RALYL: variants seen among roughly 807,000 people sequenced by gnomAD.
The protein encoded by RALYL is RNA-binding Raly-like protein.
RALYL carries 29 observed loss-of-function variants against 35.1 expected under a neutral mutation model. The observed-to-expected ratio is 0.83, with a 90% confidence interval of 0.61 to 1.13. The LOEUF is 1.13. RALYL is among the 50% of genes most tolerant of loss of function. The pLI is 0.00. For synonymous variants in RALYL, 120 were observed against 127.6 expected (o/e 0.94, Z 0.40); for missense variants, 359 against 360.4 (o/e 1.00, Z 0.03).
At chr8:84,715,683 T>G (rs1467550208) in intron 2 of RALYL, among the ~76,000 whole-genome samples, 2 of 152,066 alleles carry the variant, frequency 1.3e-5, no homozygotes, top group Non-Finnish European at 2.9e-5. Context: ...GTGATTTTAG[T>G]AATTCATTGT....
intron 1 of RALYL, among the ~76,000 whole-genome samples, chr8:84,456,157 G>A (rs2050110110): frequency 6.6e-6 from 1 of 152,024 alleles, no homozygotes; most frequent in Admixed American, 6.6e-5. Context: ...GTAGCTCTCT[G>A]AAACAGACTG....
intron 2 of RALYL, among the ~76,000 whole-genome samples, chr8:84,650,775 A>G (rs1351690645): frequency 1.3e-5 from 2 of 151,926 alleles, no homozygotes; most frequent in East Asian, 3.9e-4. Flanking sequence ...ATGCACACGT[A>G]TGTTTATTGC....
chr8:84,209,266 C>T lies in RALYL; in HGVS notation c.-24+24842C>T, dbSNP rs562863039. Reference sequence around the variant, plus strand: ...TGTGCAATTTTCAAAGCATTGCTGCCGGTTGAACAAAACATAAGTGCTGGT... The same window carrying T: ...TGTGCAATTTTCAAAGCATTGCTGCTGGTTGAACAAAACATAAGTGCTGGT... On this transcript the variant is annotated intron_variant, in intron 1 of 8. Coordinates refer to ENST00000521268, the MANE Select transcript of RALYL (RefSeq NM_173848.7). Among the ~76,000 whole-genome samples the T allele has an allele frequency of 4.6e-5, 7 of 152,116 alleles. No individual in the cohort carries two copies. In the East Asian group the frequency reaches 5.8e-4, roughly 13 times the overall value.
intron 3 of RALYL, among the ~76,000 whole-genome samples, chr8:84,776,250 G>A (rs1438061022): frequency 2.6e-5 from 4 of 152,096 alleles, no homozygotes; most frequent in African/African-American, 9.7e-5. Context: ...TCTAAGATGA[G>A]GGTCAGAACT....
intron 7 of RALYL, among the ~76,000 whole-genome samples, chr8:84,884,047 C>T (rs1249915910): frequency 3.3e-5 from 5 of 151,996 alleles, no homozygotes; most frequent in East Asian, 1.9e-4. Flanking sequence ...AACCCTATAT[C>T]CTTCCTGATA....
At chr8:84,523,776 T>C (rs1305622588) in intron 1 of RALYL, among the ~76,000 whole-genome samples, 1 of 151,588 alleles carries the variant, frequency 6.6e-6, no homozygotes, top group African/African-American at 2.4e-5. Context: ...TTTGGTTTTT[T>C]GTTCTTGCGA....
At chr8:84,804,835 T>A in intron 4 of RALYL, 33 bp downstream of exon 4, 1 of 1,002,412 alleles carries the variant, frequency 1.0e-6, no homozygotes, top group South Asian at 2.9e-5. Context: ...TAAGTATTAA[T>A]TATTTAATTC....
intron 2 of RALYL, among the ~76,000 whole-genome samples, chr8:84,533,858 G>A (rs147406449): frequency 8.5e-5 from 13 of 152,298 alleles, no homozygotes; most frequent in African/African-American, 2.9e-4. Context: ...AGAGGAAGAT[G>A]TTTGAGAGAG....
At chr8:84,655,869 C>A (rs1437589119) in intron 2 of RALYL, among the ~76,000 whole-genome samples, 1 of 152,076 alleles carries the variant, frequency 6.6e-6, no homozygotes, top group Admixed American at 6.6e-5. Flanking sequence ...GTCTCAATCG[C>A]TGGAAGTATG....
At chr8:84,844,955 C>T (rs1834293492) in intron 4 of RALYL, among the ~76,000 whole-genome samples, 1 of 151,772 alleles carries the variant, frequency 6.6e-6, no homozygotes, top group African/African-American at 2.4e-5. Flanking sequence ...ACATCACACA[C>T]CAGGGCCTGT....
intron 2 of RALYL, among the ~76,000 whole-genome samples, chr8:84,722,834 G>C (rs1844246349): frequency 6.8e-6 from 1 of 147,428 alleles, no homozygotes; most frequent in South Asian, 2.1e-4. Flanking sequence ...ATAAAAAAGG[G>C]AGAATAACTG....
intron 1 of RALYL, among the ~76,000 whole-genome samples, chr8:84,345,026 C>A (rs918223978): frequency 6.6e-6 from 1 of 151,510 alleles, no homozygotes; most frequent in South Asian, 2.1e-4. Flanking sequence ...CTTTTTAATT[C>A]CTCATGATAT....
At chr8:84,328,176 A>T (rs980646378) in intron 1 of RALYL, among the ~76,000 whole-genome samples, 1 of 152,206 alleles carries the variant, frequency 6.6e-6, no homozygotes, top group Non-Finnish European at 1.5e-5. Flanking sequence ...GCTACAGTAC[A>T]CAAGTCTGGG....
intron 2 of RALYL, among the ~76,000 whole-genome samples, chr8:84,589,088 G>C (rs1812645093): frequency 6.6e-6 from 1 of 151,972 alleles, no homozygotes; most frequent in African/African-American, 2.4e-5. Flanking sequence ...AGTAGAGATG[G>C]GGTTTCACCA....
At chr8:84,485,847 CTT>C (rs2054554234) in intron 1 of RALYL, among the ~76,000 whole-genome samples, 2 of 152,164 alleles carry the variant, frequency 1.3e-5, no homozygotes, top group Middle Eastern at 3.4e-3. Flanking sequence ...ATCATTACGT[CTT>C]GTCTACATTT....
chr8:84,810,793 A>C (rs1225621250), intron 4 of RALYL, among the ~76,000 whole-genome samples: 1 of 152,044 alleles, frequency 6.6e-6, no homozygotes, highest in Non-Finnish European at 1.5e-5. Context: ...GTTTTGTCTG[A>C]TATAAGAATA....
chr8:84,426,630 T>C (rs1261286084), intron 1 of RALYL, among the ~76,000 whole-genome samples: 1 of 152,044 alleles, frequency 6.6e-6, no homozygotes, highest in African/African-American at 2.4e-5. Context: ...GAAAAACAAA[T>C]AAACTGATTT....
intron 2 of RALYL, among the ~76,000 whole-genome samples, chr8:84,690,370 G>C (rs188945336): frequency 6.6e-6 from 1 of 152,176 alleles, no homozygotes; most frequent in East Asian, 1.9e-4. Context: ...AGTTGGCAGG[G>C]GCTGAAGAAT....
chr8:84,415,205 G>GTTTTTTTTTTTTTTTTTTTTTTTTTTTTT (rs33962115), intron 1 of RALYL, among the ~76,000 whole-genome samples: 2 of 54,674 alleles, frequency 3.7e-5, no homozygotes, highest in Non-Finnish European at 9.0e-5. Flanking sequence ...GCAGACACTC[G>GTTTTTTTTTTTTTTTTTTTTTTTTTTTTT]TTTTTTTTTT....
Sources: allele counts gnomAD v4.1 joint callset (sites outside exome capture counted in the v4.1 genomes callset), GRCh38; gene constraint gnomAD v4.1.1; transcripts MANE v1.5; gene names NCBI Gene and HGNC (gene_info 2026-07-23, HGNC 2026-07-21).